PPP2R3B: variants seen among roughly 807,000 people sequenced by gnomAD.
The protein encoded by PPP2R3B is protein phosphatase 2 regulatory subunit B''beta, also known as serine/threonine-protein phosphatase 2A regulatory subunit B'' subunit beta.
PPP2R3B carries 68 observed loss-of-function variants against 72.9 expected under a neutral mutation model. That is an observed-to-expected ratio of 0.93 (90% CI 0.77 to 1.14). The LOEUF (loss-of-function observed/expected upper bound fraction) is 1.14, where lower values mean the gene tolerates loss of function less well. Among genes scored for constraint, PPP2R3B ranks in the 50% most tolerant of loss-of-function variants. PPP2R3B has a pLI of 0.00. For missense variants in PPP2R3B, 1,018 were observed against 842.0 expected (o/e 1.21, Z -2.59); for synonymous variants, 466 against 375.8 (o/e 1.24, Z -2.78).
chrX:346,375 C>T, intron 5 of PPP2R3B, 115 bp from the exon 6 acceptor site: 1 of 1,042,062 alleles, frequency 9.6e-7, no homozygotes, highest in Non-Finnish European at 1.4e-6. Flanking sequence ...CACGGGGCCG[C>T]CAGGGCACAG....
At chrX:345,713 G>A (rs745781943) in intron 6 of PPP2R3B, 41 bp from the exon 7 acceptor site, 4 of 1,602,272 alleles carry the variant, frequency 2.5e-6, no homozygotes, top group African/African-American at 1.3e-5. Context: ...GGGCCTCTGC[G>A]GGGATGCCCC....
At chrX:371,777 G>A (rs2071871299) in intron 1 of PPP2R3B, among the ~76,000 whole-genome samples, 1 of 152,070 alleles carries the variant, frequency 6.6e-6, no homozygotes, top group Non-Finnish European at 1.5e-5. Flanking sequence ...CATGCGCGGA[G>A]TGAAAGCAGC....
rs750190990 is a variant in PPP2R3B at position 347,387 on chromosome X, AC to A, written c.615-52del. 2.5e-5 allele frequency: 39 copies of A among 1,546,858 alleles called. 1 individual carries two copies. The East Asian group carries it at 8.5e-4, about 34-fold the overall frequency. On this transcript the variant is annotated intron_variant, in intron 3 of 12. Coordinates refer to ENST00000390665, the MANE Select transcript of PPP2R3B (RefSeq NM_013239.5). ...CACCCTCACAGGGGGGTGGCTTTCGACCCCGCAGACGCAGGGTGGAACACGT... is the reference window on the plus strand; with the variant it reads ...CACCCTCACAGGGGGGTGGCTTTCGACCCGCAGACGCAGGGTGGAACACGT...
At chrX:353,899 T>C (rs2071382581) in intron 2 of PPP2R3B, among the ~76,000 whole-genome samples, 2 of 115,918 alleles carry the variant, frequency 1.7e-5, no homozygotes, top group Admixed American at 8.7e-5. Context: ...GACCGGGGGC[T>C]CACCCAAAGA....
chrX:363,511 AGCCCGCGATCCCGCAGTGCATCTCCCCG>A (rs1569403922), intron 1 of PPP2R3B, among the ~76,000 whole-genome samples: 799 of 65,306 alleles, frequency 0.012, 21 homozygotes, highest in Middle Eastern at 0.022. Flanking sequence ...CATCTCCCCG[AGCCCGCGATCCCGCAGTGCATCTCCCCG>A]AGCCCGCGAT....
chrX:384,849 G>A (rs1455035070), intron 1 of PPP2R3B, among the ~76,000 whole-genome samples: 1 of 151,910 alleles, frequency 6.6e-6, no homozygotes, highest in African/African-American at 2.4e-5. Flanking sequence ...GCCGGGGGTG[G>A]TGGTGTGCGC....
intron 2 of PPP2R3B, among the ~76,000 whole-genome samples, chrX:359,340 G>GCCAGGCGTGTTAAGTCTGCC: frequency 6.6e-6 from 1 of 152,336 alleles, no homozygotes; most frequent in South Asian, 2.1e-4. Context: ...GTGTTAAGTC[G>GCCAGGCGTGTTAAGTCTGCC]AGTGAGTCTG....
chrX:376,075 C>T (rs1323057554), intron 1 of PPP2R3B, among the ~76,000 whole-genome samples: 1 of 152,124 alleles, frequency 6.6e-6, no homozygotes, highest in Non-Finnish European at 1.5e-5. Flanking sequence ...CCTGTCATCC[C>T]AGCTACTTGG....
Position 346,421 on chromosome X carries a change from G to A in PPP2R3B, c.793-161C>T, listed in dbSNP as rs1052672948. On this transcript the variant is annotated intron_variant, in intron 5 of 12. Coordinates refer to ENST00000390665, the MANE Select transcript of PPP2R3B (RefSeq NM_013239.5). ...AGGGAAGGGCCCTGCGGGAGGCGCC[G>A]CCCCAGGCCGCGGAAAGCGGGGAGG... 6 of 694,112 alleles carry A rather than the reference G, an allele frequency of 8.6e-6. No homozygotes were observed. In the African/African-American group the frequency reaches 9.3e-5, roughly 11 times the overall value. The allele number at this position is 694,112 out of a possible 1,614,324, so 43.0% of individuals were successfully genotyped here.
intron 1 of PPP2R3B, chrX:373,774 G>A (rs755685731): frequency 6.7e-6 from 1 of 150,018 alleles, no homozygotes; most frequent in East Asian, 2.0e-4. Context: ...CGCTCCATGC[G>A]TCGCCCGCCA....
intron 2 of PPP2R3B, among the ~76,000 whole-genome samples, chrX:354,229 G>A (rs1021738875): frequency 2.7e-3 from 145 of 53,812 alleles, no homozygotes; most frequent in African/African-American, 0.012. Flanking sequence ...CCCAGGGACC[G>A]GGGGCTCACC....
chrX:336,732 C>G (rs1193812672), intron 12 of PPP2R3B: 1 of 152,228 alleles, frequency 6.6e-6, no homozygotes, highest in African/African-American at 2.4e-5. Flanking sequence ...TACCAACGAA[C>G]AACTGGAAAC....
rs1035528529 is a variant in PPP2R3B at position 341,230 on chromosome X, C to G, written c.1175+77G>C. The G allele has an allele frequency of 2.0e-6, 3 of 1,520,034 alleles. No individual in the cohort carries two copies. In the African/African-American group the frequency reaches 4.1e-5, roughly 21 times the overall value. The allele number at this position is 1,520,034 out of a possible 1,614,324, so 94.2% of individuals were successfully genotyped here. A position where few individuals can be genotyped will look rare whatever the true frequency, so the allele number is the denominator to read the frequency against. On this transcript the variant is annotated intron_variant, in intron 9 of 12. Coordinates refer to ENST00000390665, the MANE Select transcript of PPP2R3B (RefSeq NM_013239.5). ...CAGCCCCCACCAGGCGTGCAGGCATCCGCCTGGGGACACATGTCACATGGG... is the reference window on the plus strand; with the variant it reads ...CAGCCCCCACCAGGCGTGCAGGCATGCGCCTGGGGACACATGTCACATGGG...
intron 1 of PPP2R3B, among the ~76,000 whole-genome samples, chrX:377,561 G>T (rs1190134475): frequency 2.0e-5 from 2 of 97,716 alleles, no homozygotes; most frequent in Non-Finnish European, 2.1e-5. Flanking sequence ...ACCCAGTGGG[G>T]CCACCATGGG....
intron 1 of PPP2R3B, among the ~76,000 whole-genome samples, chrX:361,849 C>T (rs934271856): frequency 3.3e-5 from 5 of 152,274 alleles, no homozygotes; most frequent in South Asian, 2.1e-4. Flanking sequence ...CCCATCACAC[C>T]GAGCAGGGCC....
Position 378,121 on chromosome X carries a change from G to A in PPP2R3B, c.324+8247C>T, listed in dbSNP as rs1226475008. Among the ~76,000 whole-genome samples the A allele has an allele frequency of 3.9e-5, 6 of 152,218 alleles. No individual in the cohort carries two copies. The South Asian group carries it at 1.0e-3, about 26-fold the overall frequency. On this transcript the variant is annotated intron_variant, in intron 1 of 12. Coordinates refer to ENST00000390665, the MANE Select transcript of PPP2R3B (RefSeq NM_013239.5). ...TTGTTTTTGCACCACAGGCCAGCACGGAATCTGCGAGGCCTGTTTTCAGCC... is the reference window on the plus strand; with the variant it reads ...TTGTTTTTGCACCACAGGCCAGCACAGAATCTGCGAGGCCTGTTTTCAGCC...
intron 6 of PPP2R3B, 74 bp downstream of exon 6, chrX:346,080 GGGAGGAGGGAGGGGGGAGGA>G: frequency 1.7e-6 from 1 of 579,414 alleles, no homozygotes; most frequent in Non-Finnish European, 2.8e-6. Flanking sequence ...GGGGTGGGAG[GGGAGGAGGGAGGGGGGAGGA>G]GGGAAGGGAA....
chrX:381,267 G>A (rs374944723), intron 1 of PPP2R3B, among the ~76,000 whole-genome samples: 5 of 152,232 alleles, frequency 3.3e-5, no homozygotes, highest in African/African-American at 1.2e-4. Flanking sequence ...CCCCAAAGAC[G>A]GGAAGGAGCC....
intron 1 of PPP2R3B, among the ~76,000 whole-genome samples, chrX:383,763 G>A (rs1449357188): frequency 3.4e-5 from 5 of 148,346 alleles, no homozygotes; most frequent in African/African-American, 7.5e-5. Flanking sequence ...GCGTGAACCC[G>A]GGAGGCGGAG....
Sources: gnomAD v4.1 joint callset for allele counts (sites outside exome capture counted in the v4.1 genomes callset) on GRCh38, gnomAD v4.1.1 for gene constraint, MANE v1.5 for transcripts, NCBI Gene and HGNC (gene_info 2026-07-23, HGNC 2026-07-21) for gene names.